RXFP2: variants seen among roughly 807,000 people sequenced by gnomAD.
RXFP2 encodes the protein relaxin receptor 2.
A neutral mutation model predicts 88.6 loss-of-function variants in RXFP2; 68 were observed. That is an observed-to-expected ratio of 0.77 (90% CI 0.63 to 0.94). The LOEUF (loss-of-function observed/expected upper bound fraction) is 0.94, where lower values mean the gene tolerates loss of function less well. Among genes scored for constraint, RXFP2 ranks in the 40% least tolerant of loss-of-function variants. RXFP2 has a pLI of 0.00. For missense variants in RXFP2, 791 were observed against 893.9 expected (o/e 0.88, Z 1.47); for synonymous variants, 329 against 306.8 (o/e 1.07, Z -0.76).
chr13:31,754,566 A>G (rs1466578956), intron 1 of RXFP2, among the ~76,000 whole-genome samples: 3 of 152,180 alleles, frequency 2.0e-5, no homozygotes, highest in Non-Finnish European at 4.4e-5. Flanking sequence ...AGTTATTTTC[A>G]TAATAAACCC....
At chr13:31,770,744 A>G (rs1000174008) in intron 5 of RXFP2, among the ~76,000 whole-genome samples, 1 of 152,062 alleles carries the variant, frequency 6.6e-6, no homozygotes, top group Admixed American at 6.5e-5. Context: ...TTCTATTTTC[A>G]TGAAGCCCTC....
intron 4 of RXFP2, 81 bp downstream of exon 4, chr13:31,765,223 G>A: frequency 6.0e-6 from 5 of 833,546 alleles, no homozygotes; most frequent in Non-Finnish European, 1.0e-5. Context: ...TGTTGCTTGT[G>A]CATTAGCAAA....
chr13:31,777,081 G>A (rs1873022005), intron 7 of RXFP2, among the ~76,000 whole-genome samples: 1 of 152,194 alleles, frequency 6.6e-6, no homozygotes, highest in Non-Finnish European at 1.5e-5. Flanking sequence ...GTTTGTGCCA[G>A]ACCCAGGTAC....
intron 1 of RXFP2, among the ~76,000 whole-genome samples, chr13:31,752,723 G>A (rs1170271943): frequency 6.6e-6 from 1 of 152,110 alleles, no homozygotes. Flanking sequence ...GCAGGCTCTG[G>A]CCAGGTGCAC....
chr13:31,792,603 G>A lies in RXFP2; in HGVS notation c.1376-75G>A. ...ATCTAATTAGAAAATTAAAATGCTG[G>A]AAATAGACTTAATCAGAAAACTAAA... On this transcript the variant is annotated intron_variant, in intron 15 of 17. Transcript: ENST00000298386. 7 of 1,399,620 alleles carry A rather than the reference G, an allele frequency of 5.0e-6. No individual in the cohort carries two copies. The South Asian group carries it at 8.2e-5, about 16-fold the overall frequency. The allele number at this position is 1,399,620 out of a possible 1,614,324, so 86.7% of individuals were successfully genotyped here. A position where few individuals can be genotyped will look rare whatever the true frequency, so the allele number is the denominator to read the frequency against.
At chr13:31,774,044 G>A (rs893833388) in intron 5 of RXFP2, among the ~76,000 whole-genome samples, 12 of 152,200 alleles carry the variant, frequency 7.9e-5, no homozygotes, top group Non-Finnish European at 1.5e-4. Context: ...TGCTTCAGAG[G>A]TTAAGTCAGT....
At chr13:31,764,073 T>A (rs1463188608) in intron 3 of RXFP2, among the ~76,000 whole-genome samples, 2 of 152,154 alleles carry the variant, frequency 1.3e-5, no homozygotes, top group Non-Finnish European at 2.9e-5. Flanking sequence ...AAAGAACTTA[T>A]AATTACATTA....
In RXFP2 at chr13:31,744,665, C is replaced by T. The variant is rs186023671; in HGVS notation, c.94+4959C>T. On this transcript the variant is annotated intron_variant, in intron 1 of 17. Transcript: ENST00000298386. The stretch of plus-strand genomic sequence containing the variant: ...GAAGGAAAGATAATTTTAACTAATT[C>T]TCCTTTTCTCTGATTCCAGTTTATT... 1.8e-3 allele frequency among the ~76,000 whole-genome samples: 267 copies of T among 151,590 alleles called. 1 individual carries two copies. The highest frequency in any genetic ancestry group is 2.7e-3 in the Non-Finnish European group (184 of 67,914).
chr13:31,796,195 GC>G (rs1436791551), intron 16 of RXFP2, among the ~76,000 whole-genome samples: 1 of 149,010 alleles, frequency 6.7e-6, no homozygotes, highest in Middle Eastern at 3.2e-3. Flanking sequence ...GACTACAGGC[GC>G]CCGCCACCGC....
intron 5 of RXFP2, 147 bp from the exon 6 acceptor site, chr13:31,774,473 A>G (rs1872856681): frequency 3.0e-6 from 2 of 674,984 alleles, no homozygotes; most frequent in African/African-American, 1.8e-5. Flanking sequence ...GCCATTTCTC[A>G]CTGACAACAT....
Position 31,786,447 on chromosome 13 carries a change from C to A in RXFP2, c.994C>A (p.Gln332Lys). Reference protein sequence around the residue: ...PHLFKDLKLLQKLNLSSNPLM... With the variant: ...PHLFKDLKLLKKLNLSSNPLM... ...CCTTTTTAAAGACTTGAAGCTTCTA[C>A]AAAAGCTGTAAGTTCTACTTCTCAC... The change falls in exon 12 of 18, where the codon CAA (glutamine) becomes AAA (lysine). Residue 332 changes from glutamine to lysine, a missense_variant. By Grantham distance (53) the Gln-to-Lys change is moderately conservative. Coordinates refer to ENST00000298386, the MANE Select transcript of RXFP2 (RefSeq NM_130806.5). The A allele has an allele frequency of 6.2e-7, 1 of 1,600,504 alleles. No homozygotes were observed. The highest frequency in any genetic ancestry group is 8.6e-7 in the Non-Finnish European group (1 of 1,167,872).
intron 5 of RXFP2, among the ~76,000 whole-genome samples, chr13:31,773,141 T>A (rs1872794760): frequency 6.6e-6 from 1 of 152,234 alleles, no homozygotes. Context: ...GAGTTCATCC[T>A]ATTCACAGCA....
intron 11 of RXFP2, among the ~76,000 whole-genome samples, chr13:31,785,656 A>G (rs936692999): frequency 6.6e-6 from 1 of 152,012 alleles, no homozygotes; most frequent in Non-Finnish European, 1.5e-5. Context: ...CAGAGTATCA[A>G]AAGAGATCAT....
chr13:31,757,086 A>G (rs912938583), intron 1 of RXFP2, among the ~76,000 whole-genome samples: 16 of 152,200 alleles, frequency 1.1e-4, no homozygotes, highest in Admixed American at 9.8e-4. Context: ...ACTTTTGTAA[A>G]TGTCGATTAT....
intron 14 of RXFP2, among the ~76,000 whole-genome samples, chr13:31,791,580 C>G (rs980093436): frequency 3.3e-5 from 5 of 152,188 alleles, no homozygotes; most frequent in Admixed American, 1.3e-4. Context: ...CCAAACTCTC[C>G]TCATCCAAGT....
At chr13:31,769,642 CCCTATGAT>C in intron 5 of RXFP2, among the ~76,000 whole-genome samples, 1 of 152,250 alleles carries the variant, frequency 6.6e-6, no homozygotes, top group East Asian at 1.9e-4. Context: ...ACTCTATGTG[CCCTATGAT>C]TATATTGCTC....
rs767342161 is a variant in RXFP2, at chr13:31,765,116, G to A, written c.399G>A (p.Pro133=). The change falls in exon 4 of 18, where the codon CCG becomes CCA. Residue 133 remains proline (P), a synonymous_variant. Coordinates refer to ENST00000298386, the MANE Select transcript of RXFP2 (RefSeq NM_130806.5). ...ECVNGDLKSV[P]MISNNVTLLS... is the part of the protein sequence containing the mutation. ...TAAATGGTGACTTAAAGTCTGTGCCGATGATTTCTAACAATGTGACATTAC... is the reference window on the plus strand; with the variant it reads ...TAAATGGTGACTTAAAGTCTGTGCCAATGATTTCTAACAATGTGACATTAC... 45 of 1,605,522 alleles carry A rather than the reference G, an allele frequency of 2.8e-5. No homozygotes were observed. The highest frequency in any genetic ancestry group is 5.5e-5 in the South Asian group (5 of 90,916).
chr13:31,742,371 T>G (rs1871254352), intron 1 of RXFP2, among the ~76,000 whole-genome samples: 1 of 152,186 alleles, frequency 6.6e-6, no homozygotes. Flanking sequence ...CACTCTGACT[T>G]GAGAAAAGGT....
At chr13:31,799,374 G>A (rs969285758) in intron 17 of RXFP2, among the ~76,000 whole-genome samples, 3 of 152,062 alleles carry the variant, frequency 2.0e-5, no homozygotes, top group African/African-American at 7.2e-5. Context: ...ACCACACCTC[G>A]TTAATTTTTG....
Sources: allele counts gnomAD v4.1 joint callset (sites outside exome capture counted in the v4.1 genomes callset), GRCh38; gene constraint gnomAD v4.1.1; transcripts MANE v1.5; gene names NCBI Gene and HGNC (gene_info 2026-07-23, HGNC 2026-07-21).